PLK2: variants seen among roughly 807,000 people sequenced by gnomAD.
PLK2 encodes polo like kinase 2, also known as serine/threonine-protein kinase PLK2.
PLK2 carries 25 observed loss-of-function variants against 78.1 expected under a neutral mutation model. That is an observed-to-expected ratio of 0.32 (90% CI 0.23 to 0.45). The LOEUF is 0.45. Ranked by LOEUF, PLK2 falls within the 20% of genes least tolerant of loss-of-function variation. The pLI is 1.00. For missense variants in PLK2, 566 were observed against 840.2 expected (o/e 0.67, Z 4.04); for synonymous variants, 332 against 298.2 (o/e 1.11, Z -1.17).
At position 58,457,490 on chromosome 5, in the gene PLK2, T is replaced by C. The variant is rs375477371; in HGVS notation, c.807A>G (p.Val269=). Reference sequence around the variant, plus strand: ...ATTATTCTGCTGCATTTACTTACATTACACAGCCCAGGGCCCAAATGTCTG... The same window carrying C: ...ATTATTCTGCTGCATTTACTTACATCACACAGCCCAGGGCCCAAATGTCTG... ...CESDIWALGC[V]MYTMLLGRPP... is the part of the protein sequence containing the mutation. The change falls in exon 6 of 14, where the codon GTA becomes GTG. Residue 269 remains valine (V), a splice_region_variant and synonymous_variant. Coordinates refer to ENST00000274289, the MANE Select transcript of PLK2 (RefSeq NM_006622.4). The C allele has an allele frequency of 5.0e-6, 8 of 1,607,396 alleles. No homozygotes were observed. The highest frequency in any genetic ancestry group is 3.3e-5 in the Admixed American group (2 of 60,002).
In PLK2 at chr5:58,456,710, G is replaced by A. The variant is rs1016230588; in HGVS notation, c.1157-121C>T. The A allele has an allele frequency of 8.4e-6, 6 of 713,974 alleles. No homozygotes were observed. The African/African-American group carries it at 1.1e-4, about 13-fold the overall frequency. The allele number at this position is 713,974 out of a possible 1,614,324, so 44.2% of individuals were successfully genotyped here. On this transcript the variant is annotated intron_variant, in intron 8 of 13. Coordinates refer to ENST00000274289, the MANE Select transcript of PLK2 (RefSeq NM_006622.4). ...CTTATGAGCATCCTGGGCAAAAATA[G>A]CATTTTACCTTTGCCTTTAGCTGCA...
chr5:58,459,694 C>G lies in PLK2; in HGVS notation c.266G>C (p.Gly89Ala), dbSNP rs768019791. Residue 89 changes from glycine to alanine, a missense_variant, in exon 1 of 14, where the codon GGA becomes GCA. Coordinates refer to ENST00000274289, the MANE Select transcript of PLK2 (RefSeq NM_006622.4). ...GKRYCRGKVL[G>A]KGGFAKCYEM... ...CCGGCGCCCTCCGCTTGTCACCTTT[C>G]CCAGCACTTTGCCCCGGCAGTAGCG... The G allele has an allele frequency of 6.3e-7, 1 of 1,582,748 alleles. No individual in the cohort carries two copies. Among genetic ancestry groups the G allele is most frequent in the Non-Finnish European group, 8.6e-7 (1 of 1,164,638 alleles).
intron 11 of PLK2, 43 bp from the exon 12 acceptor site, chr5:58,455,457 TAGAAGC>T: frequency 6.2e-7 from 1 of 1,609,458 alleles, no homozygotes; most frequent in Non-Finnish European, 8.5e-7. Flanking sequence ...GAAAAAAAAA[TAGAAGC>T]AGTTAATCAT....
At position 58,457,301 on chromosome 5, in the gene PLK2, C is replaced by T. The variant is rs757736016; in HGVS notation, c.888G>A (p.Arg296=). 1 of 1,613,636 alleles carries T rather than the reference C, an allele frequency of 6.2e-7. No homozygotes were observed. Among genetic ancestry groups the T allele is most frequent in the Admixed American group, 1.7e-5 (1 of 60,018 alleles). ...KETYRCIREA[R]YTMPSSLLAP... The stretch of plus-strand genomic sequence containing the variant: ...CCAGCAATGAGGACGGCATTGTATA[C>T]CTTGCTTCCCTTATGCACCTATAAG... Residue 296 remains arginine (R), a synonymous_variant, in exon 7 of 14, where the codon AGG becomes AGA. Transcript: ENST00000274289.
At chr5:58,458,595 G>T in intron 3 of PLK2, 67 bp from the exon 4 acceptor site, 1 of 1,476,574 alleles carries the variant, frequency 6.8e-7, no homozygotes, top group Non-Finnish European at 9.3e-7. Flanking sequence ...GTTTCCCTTT[G>T]CAGGATGAGC....
At chr5:58,457,844 T>A in intron 5 of PLK2, 1 of 591,668 alleles carries the variant, frequency 1.7e-6, no homozygotes, top group Non-Finnish European at 3.0e-6. Context: ...GCCAGGGACG[T>A]CGTGGCATTT....
intron 1 of PLK2, 55 bp downstream of exon 1, chr5:58,459,635 G>A (rs1446269219): frequency 4.8e-6 from 7 of 1,445,014 alleles, no homozygotes; most frequent in East Asian, 2.4e-5. Context: ...CCGGCTTGGG[G>A]TCGCCCGGAC....
In PLK2 at chr5:58,455,598, G is replaced by A. The variant is rs1255352575; in HGVS notation, c.1566C>T (p.Asp522=). 6.2e-7 allele frequency: 1 copy of A among 1,613,878 alleles called. No homozygotes were observed. Among genetic ancestry groups the A allele is most frequent in the South Asian group, 1.1e-5 (1 of 91,080 alleles). ...TGTTGAAAAGGACACCGACGGTGTGGTCTGAGAGCTGGTACCCAAAGCCAT... is the reference window on the plus strand; with the variant it reads ...TGTTGAAAAGGACACCGACGGTGTGATCTGAGAGCTGGTACCCAAAGCCAT... The part of the protein sequence containing the change: ...NKYGFGYQLS[D]HTVGVLFNNG... Residue 522 remains aspartate, a synonymous_variant, in exon 11 of 14, where the codon GAC becomes GAT. Transcript: ENST00000274289.
chr5:58,454,484 T>C lies in PLK2; in HGVS notation c.*99A>G, dbSNP rs1185656795. The C allele has an allele frequency of 3.5e-6, 3 of 847,860 alleles. No homozygotes were observed. The highest frequency in any genetic ancestry group is 4.9e-5 in the East Asian group (2 of 40,616). 52.5% of individuals were successfully genotyped at this position (847,860 alleles called of 1,614,324 possible). A position where few individuals can be genotyped will look rare whatever the true frequency, so the allele number is the denominator to read the frequency against. On this transcript the variant is annotated 3_prime_UTR_variant, in exon 14 of 14. Transcript: ENST00000274289. ...GGGGAATTGTTTTCGTACCACCACA[T>C]GTCCATCTTCTTCAACATACTCTAG... is the stretch of plus-strand genomic sequence containing the variant.
intron 8 of PLK2, 161 bp from the exon 9 acceptor site, chr5:58,456,750 C>T: frequency 1.6e-6 from 1 of 632,518 alleles, no homozygotes. Flanking sequence ...CCCCCAAAAG[C>T]CCTCTTTAGT....
At chr5:58,455,814 A>C (rs1242494989) in intron 10 of PLK2, 35 bp from the exon 11 acceptor site, 1 of 1,606,970 alleles carries the variant, frequency 6.2e-7, no homozygotes, top group African/African-American at 1.3e-5. Context: ...CAAGTTATAC[A>C]ATATTTTAGC....
chr5:58,456,754 C>T (rs1435040191), intron 8 of PLK2, 165 bp from the exon 9 acceptor site: 2 of 635,826 alleles, frequency 3.1e-6, no homozygotes, highest in Non-Finnish European at 5.3e-6. Flanking sequence ...CAAAAGCCCT[C>T]TTTAGTGTTT....
intron 12 of PLK2, 107 bp downstream of exon 12, chr5:58,455,178 A>G (rs554663255): frequency 3.7e-6 from 5 of 1,345,324 alleles, no homozygotes; most frequent in African/African-American, 2.9e-5. Flanking sequence ...CAGTACACCA[A>G]CGGTAGGTCA....
At position 58,460,019 on chromosome 5, in the gene PLK2, G is replaced by C; in HGVS notation, c.-60C>G. 1 of 1,523,648 alleles carries C rather than the reference G, an allele frequency of 6.6e-7. No individual in the cohort carries two copies. The highest frequency in any genetic ancestry group is 8.8e-7 in the Non-Finnish European group (1 of 1,136,988). The allele number at this position is 1,523,648 out of a possible 1,614,324, so 94.4% of individuals were successfully genotyped here. ...CCCCTAGGCGCGGTCACACGTCCGA[G>C]CCGGCCGTGGTCCTCGCACCCTTGC... On this transcript the variant is annotated 5_prime_UTR_variant, in exon 1 of 14. Coordinates refer to ENST00000274289, the MANE Select transcript of PLK2 (RefSeq NM_006622.4).
At position 58,454,924 on chromosome 5, in the gene PLK2, T is replaced by C; in HGVS notation, c.1853A>G (p.Asp618Gly). ...SDKALMMLFN[D>G]GTFQVNFYHD... is the part of the protein sequence containing the mutation. ...GAGTTCATTTACCTGAAAGGTGCCA[T>C]CATTAAAGAGCATCATTAGGGCCTT... The change falls in exon 13 of 14, where the codon GAT becomes GGT. Residue 618 changes from aspartate to glycine, a missense_variant. Coordinates refer to ENST00000274289, the MANE Select transcript of PLK2 (RefSeq NM_006622.4). The C allele has an allele frequency of 6.2e-7, 1 of 1,606,512 alleles. No homozygotes were observed. Among genetic ancestry groups the C allele is most frequent in the Non-Finnish European group, 8.5e-7 (1 of 1,173,102 alleles).
At chr5:58,456,895 T>C (rs1743620118) in intron 8 of PLK2, 50 bp downstream of exon 8, 1 of 1,237,854 alleles carries the variant, frequency 8.1e-7, no homozygotes, top group Admixed American at 2.4e-5. Flanking sequence ...TTTACCAAAT[T>C]TAAATATAAT....
intron 8 of PLK2, 38 bp from the exon 9 acceptor site, chr5:58,456,627 T>C: frequency 4.0e-6 from 5 of 1,253,660 alleles, no homozygotes; most frequent in Non-Finnish European, 4.7e-6. Context: ...CATTAGTCTA[T>C]CTTAACAAGG....
intron 5 of PLK2, chr5:58,457,880 T>C (rs1458875196): frequency 1.5e-5 from 9 of 609,432 alleles, no homozygotes; most frequent in Non-Finnish European, 2.6e-5. Flanking sequence ...AAGAAAAGAC[T>C]TCATTGACTG....
intron 5 of PLK2, 149 bp downstream of exon 5, chr5:58,457,935 T>C (rs115677114): frequency 6.2e-5 from 43 of 691,358 alleles, no homozygotes; most frequent in Non-Finnish European, 1.1e-4. Flanking sequence ...GTCTAGTCCA[T>C]AGTGGGCATT....
Sources: gnomAD v4.1 joint callset for allele counts on GRCh38, gnomAD v4.1.1 for gene constraint, MANE v1.5 for transcripts, NCBI Gene and HGNC (gene_info 2026-07-23, HGNC 2026-07-21) for gene names.